The following ANKAR variants were observed in gnomAD, a reference collection of about 807,000 sequenced individuals.
ANKAR encodes the protein ankyrin and armadillo repeat containing, also known as ankyrin and armadillo repeat-containing protein.
A neutral mutation model predicts 146.2 loss-of-function variants in ANKAR; 136 were observed. The ratio of observed to expected loss-of-function variants is 0.93; its 90% CI spans 0.81 to 1.07. The LOEUF is 1.07. Among genes scored for constraint, ANKAR ranks in the 50% least tolerant of loss-of-function variants. The pLI is 0.00. For synonymous variants in ANKAR, 500 were observed against 575.8 expected (o/e 0.87, Z 1.88); for missense variants, 1,567 against 1,679.9 (o/e 0.93, Z 1.18).
chr2:189,733,158 C>T lies in ANKAR; in HGVS notation c.3352C>T (p.Gln1118Ter). The T allele has an allele frequency of 6.2e-7, 1 of 1,612,796 alleles. No homozygotes were observed. The highest frequency in any genetic ancestry group is 2.2e-5 in the East Asian group (1 of 44,782). Residue 1118 changes from glutamine (Q) to a stop codon, truncating the protein, a stop_gained, in exon 17 of 23, where the codon CAG becomes TAG. Coordinates refer to ENST00000684021, the MANE Select transcript of ANKAR (RefSeq NM_001378068.1). LOFTEE classifies it high-confidence loss of function. ...CATTGTCCTAGGGAATGATGTGTTA[C>T]AGAAAGACTTACATGAAAATGAAGG... Reference protein sequence around the residue: ...ACIVLGNDVLQKDLHENEGFE... With the variant: ...ACIVLGNDVL
At chr2:189,679,583 A>G (rs374529666) in intron 2 of ANKAR, among the ~76,000 whole-genome samples, 33 of 152,266 alleles carry the variant, frequency 2.2e-4, no homozygotes, top group African/African-American at 7.2e-4. Context: ...TGTTCAGTAT[A>G]ATGTTGGCTG....
chr2:189,726,595 C>T (rs1056988385), intron 12 of ANKAR, among the ~76,000 whole-genome samples: 1 of 152,120 alleles, frequency 6.6e-6, no homozygotes, highest in Non-Finnish European at 1.5e-5. Context: ...CAAAAAACCC[C>T]TGAGAAAAGG....
chr2:189,727,511 C>A (rs1574658461), intron 12 of ANKAR, among the ~76,000 whole-genome samples: 3 of 64,544 alleles, frequency 4.6e-5, no homozygotes, highest in Admixed American at 2.8e-4. Flanking sequence ...GTGATAGAGC[C>A]AAACCTTGTC....
intron 10 of ANKAR, among the ~76,000 whole-genome samples, chr2:189,718,316 A>G (rs913692540): frequency 3.2e-4 from 20 of 63,188 alleles, no homozygotes; most frequent in African/African-American, 1.1e-3. Flanking sequence ...CTATATATCT[A>G]TCTGTCTGTC....
intron 12 of ANKAR, among the ~76,000 whole-genome samples, chr2:189,723,551 C>T (rs1462996791): frequency 6.6e-6 from 1 of 152,060 alleles, no homozygotes; most frequent in Non-Finnish European, 1.5e-5. Context: ...TGATTATTCA[C>T]ATATTTCTGC....
chr2:189,743,573 G>A, intron 21 of ANKAR, 99 bp downstream of exon 21: 1 of 1,063,018 alleles, frequency 9.4e-7, no homozygotes, highest in Non-Finnish European at 1.4e-6. Flanking sequence ...TTCTTGATAT[G>A]AACATATCTC....
chr2:189,753,933 G>C (rs1197430772), intron 18 of ANKAR: 1 of 1,613,536 alleles, frequency 6.2e-7, no homozygotes, highest in Admixed American at 1.7e-5. Context: ...GCATTATTTT[G>C]AGGTAACAAG....
At chr2:189,754,898 T>C in intron 18 of ANKAR, 1 of 406,848 alleles carries the variant, frequency 2.5e-6, no homozygotes, top group Non-Finnish European at 4.3e-6. Context: ...GCACGTTCTT[T>C]CACATACATT....
intron 7 of ANKAR, among the ~76,000 whole-genome samples, chr2:189,698,735 CT>C (rs1232490602): frequency 6.6e-6 from 1 of 152,152 alleles, no homozygotes; most frequent in Non-Finnish European, 1.5e-5. Flanking sequence ...GGAGCCCGAC[CT>C]CATTCTTCCT....
intron 2 of ANKAR, among the ~76,000 whole-genome samples, chr2:189,686,994 G>A (rs949842732): frequency 6.6e-6 from 1 of 151,806 alleles, no homozygotes; most frequent in African/African-American, 2.4e-5. Context: ...TACTCTTTTA[G>A]TGTTTTTAAA....
At chr2:189,734,103 C>T (rs1263425867) in intron 17 of ANKAR, among the ~76,000 whole-genome samples, 1 of 152,170 alleles carries the variant, frequency 6.6e-6, no homozygotes, top group African/African-American at 2.4e-5. Flanking sequence ...CTTCACTCAC[C>T]TTCCCAGTAC....
At chr2:189,756,794 ACT>A (rs1029089946) in intron 18 of ANKAR, among the ~76,000 whole-genome samples, 14 of 151,812 alleles carry the variant, frequency 9.2e-5, no homozygotes, top group African/African-American at 3.4e-4. Context: ...TACTTTCCTA[ACT>A]CTGTCCTTTG....
intron 12 of ANKAR, among the ~76,000 whole-genome samples, chr2:189,725,758 AT>A (rs2041817298): frequency 2.0e-5 from 3 of 152,106 alleles, no homozygotes; most frequent in Admixed American, 2.0e-4. Context: ...AAATGCAAAA[AT>A]TAGCTGGGCA....
intron 7 of ANKAR, among the ~76,000 whole-genome samples, chr2:189,701,835 G>A (rs954293615): frequency 6.6e-6 from 1 of 152,136 alleles, no homozygotes; most frequent in African/African-American, 2.4e-5. Context: ...TCTTTAAACT[G>A]TGTTTTTTGC....
chr2:189,746,805 A>G, downstream of ANKAR: 1 of 657,880 alleles, frequency 1.5e-6, no homozygotes, highest in East Asian at 3.7e-5. Context: ...GGTCAGAGTT[A>G]TGGTTTCAAA....
chr2:189,718,423 A>G (rs1392728094), intron 10 of ANKAR, among the ~76,000 whole-genome samples: 4 of 152,122 alleles, frequency 2.6e-5, no homozygotes, highest in African/African-American at 9.7e-5. Flanking sequence ...AAAATGTCCA[A>G]TATGGTAGCC....
In ANKAR at chr2:189,720,707, T is replaced by A. The variant is rs1398439318; in HGVS notation, c.2555T>A (p.Ile852Lys). 2 of 1,516,198 alleles carry A rather than the reference T, an allele frequency of 1.3e-6. No homozygotes were observed. The highest frequency in any genetic ancestry group is 2.9e-5 in the African/African-American group (2 of 69,952). 93.9% of individuals were successfully genotyped at this position (1,516,198 alleles called of 1,614,324 possible). A position where few individuals can be genotyped will look rare whatever the true frequency, so the allele number is the denominator to read the frequency against. The change falls in exon 12 of 23, where the codon ATA (isoleucine) becomes AAA (lysine). Residue 852 changes from isoleucine to lysine, a missense_variant. Coordinates refer to ENST00000684021, the MANE Select transcript of ANKAR (RefSeq NM_001378068.1). Reference protein sequence around the residue: ...NVMNCIRVLCIGNENNQRAVR... With the variant: ...NVMNCIRVLCKGNENNQRAVR... Reference sequence around the variant, plus strand: ...ATGAACTGTATACGGGTATTGTGTATAGGAAATGAAAACAATCAAAGAGCT... The same window carrying A: ...ATGAACTGTATACGGGTATTGTGTAAAGGAAATGAAAACAATCAAAGAGCT...
intron 10 of ANKAR, among the ~76,000 whole-genome samples, chr2:189,717,828 A>G (rs933861019): frequency 2.0e-5 from 3 of 152,188 alleles, no homozygotes; most frequent in South Asian, 2.1e-4. Flanking sequence ...TGAGCAAACT[A>G]TCACAAGGAC....
intron 1 of ANKAR, among the ~76,000 whole-genome samples, 198 bp downstream of exon 1, chr2:189,675,028 A>T (rs1288824704): frequency 1.3e-5 from 2 of 152,018 alleles, no homozygotes; most frequent in Non-Finnish European, 2.9e-5. Flanking sequence ...GGTCTGACTC[A>T]CTGACCTGGG....
Sources: gnomAD v4.1 joint callset for allele counts (sites outside exome capture counted in the v4.1 genomes callset) on GRCh38, gnomAD v4.1.1 for gene constraint, MANE v1.5 for transcripts, NCBI Gene and HGNC (gene_info 2026-07-23, HGNC 2026-07-21) for gene names.